CNTN6: variants seen among roughly 807,000 people sequenced by gnomAD.
CNTN6 encodes contactin-6.
A neutral mutation model predicts 122.8 loss-of-function variants in CNTN6; 137 were observed. The observed-to-expected ratio is 1.12, with a 90% CI of 0.97 to 1.29. CNTN6 has a LOEUF of 1.29. Among genes scored for constraint, CNTN6 ranks in the 50% most tolerant of loss-of-function variants. CNTN6 has a pLI of 0.00. For synonymous variants in CNTN6, 570 were observed against 426.0 expected, an observed-to-expected ratio of 1.34 and a Z score of -4.16; for missense variants, 1,634 against 1,223.4, an observed-to-expected ratio of 1.34 and a Z score of -5.01.
At chr3:1,192,911 GAAC>G (rs1338768125) in intron 2 of CNTN6, among the ~76,000 whole-genome samples, 1 of 152,044 alleles carries the variant, frequency 6.6e-6, no homozygotes, top group African/African-American at 2.4e-5. Flanking sequence ...CCACGTATTT[GAAC>G]AACTCAAAAA....
chr3:1,336,611 C>A (rs1478861247), intron 11 of CNTN6, among the ~76,000 whole-genome samples: 10 of 152,152 alleles, frequency 6.6e-5, no homozygotes, highest in Admixed American at 6.6e-4. Context: ...ATCATGGATT[C>A]TGTGTGATTT....
chr3:1,203,490 G>A (rs1025116120), intron 2 of CNTN6, among the ~76,000 whole-genome samples: 1 of 152,208 alleles, frequency 6.6e-6, no homozygotes, highest in Non-Finnish European at 1.5e-5. Flanking sequence ...CAGGAATGCG[G>A]GATAGAATTC....
intron 4 of CNTN6, among the ~76,000 whole-genome samples, chr3:1,259,916 G>A (rs1353956877): frequency 6.6e-6 from 1 of 152,024 alleles, no homozygotes; most frequent in Admixed American, 6.6e-5. Context: ...TTATTTAGAG[G>A]AATAAAGAAA....
intron 4 of CNTN6, among the ~76,000 whole-genome samples, chr3:1,271,712 G>T (rs1241848962): frequency 6.6e-6 from 1 of 152,142 alleles, no homozygotes; most frequent in Non-Finnish European, 1.5e-5. Flanking sequence ...ACAAATTCTT[G>T]GGGGAGAGAA....
At position 1,373,678 on chromosome 3, in the gene CNTN6, G is replaced by A. The variant is rs1239216914; in HGVS notation, c.1861G>A (p.Gly621Ser). Residue 621 changes from glycine to serine, a missense_variant, in exon 15 of 23, where the codon GGC becomes AGC. Coordinates refer to ENST00000446702, the MANE Select transcript of CNTN6 (RefSeq NM_001289080.2). ...STTSQLSWRA[G>S]PDNNSPIQIF... ...TACTTCTCAACTAAGTTGGAGAGCA[G>A]GCCCAGATAATAACAGTCCCATTCA... 6.2e-7 allele frequency: 1 copy of A among 1,613,074 alleles called. No homozygotes were observed. The highest frequency in any genetic ancestry group is 8.5e-7 in the Non-Finnish European group (1 of 1,179,372).
chr3:1,240,795 G>A (rs1322523325), intron 4 of CNTN6, among the ~76,000 whole-genome samples: 1 of 152,094 alleles, frequency 6.6e-6, no homozygotes, highest in Non-Finnish European at 1.5e-5. Flanking sequence ...CAACATGGCT[G>A]TTTATTTCAC....
intron 12 of CNTN6, among the ~76,000 whole-genome samples, chr3:1,360,006 C>G (rs1327329413): frequency 6.6e-6 from 1 of 152,066 alleles, no homozygotes; most frequent in Non-Finnish European, 1.5e-5. Context: ...TTGCCTAACT[C>G]CATGCCTTTC....
intron 2 of CNTN6, among the ~76,000 whole-genome samples, chr3:1,187,638 T>C (rs1334549736): frequency 2.6e-5 from 4 of 152,138 alleles, no homozygotes; most frequent in Admixed American, 2.6e-4. Context: ...GATCCAGCAT[T>C]GCCCCTACCC....
intron 2 of CNTN6, among the ~76,000 whole-genome samples, chr3:1,155,657 G>C (rs1176840556): frequency 6.6e-6 from 1 of 152,034 alleles, no homozygotes; most frequent in African/African-American, 2.4e-5. Context: ...AGTATTACTG[G>C]GTAGCAAATA....
At chr3:1,300,354 G>A (rs1025265660) in intron 7 of CNTN6, among the ~76,000 whole-genome samples, 2 of 151,772 alleles carry the variant, frequency 1.3e-5, no homozygotes, top group Non-Finnish European at 2.9e-5. Flanking sequence ...TGTCTCAGAG[G>A]GGGTATGAAT....
At chr3:1,191,171 G>T (rs557745987) in intron 2 of CNTN6, among the ~76,000 whole-genome samples, 12 of 152,100 alleles carry the variant, frequency 7.9e-5, no homozygotes, top group Non-Finnish European at 1.5e-4. Flanking sequence ...TTTGTCCCTG[G>T]TTCCTGACAC....
chr3:1,243,563 T>C (rs1247596139), intron 4 of CNTN6, among the ~76,000 whole-genome samples: 2 of 151,860 alleles, frequency 1.3e-5, no homozygotes, highest in Non-Finnish European at 2.9e-5. Flanking sequence ...TCTAGGGCTG[T>C]AAAGTGGCTC....
intron 2 of CNTN6, among the ~76,000 whole-genome samples, chr3:1,185,330 T>C (rs564629575): frequency 6.6e-6 from 1 of 152,136 alleles, no homozygotes; most frequent in South Asian, 2.1e-4. Flanking sequence ...TGAAATTGTT[T>C]ATTTAAAAAA....
At chr3:1,287,400 A>G (rs1694533551) in intron 5 of CNTN6, among the ~76,000 whole-genome samples, 2 of 152,204 alleles carry the variant, frequency 1.3e-5, no homozygotes, top group African/African-American at 4.8e-5. Context: ...TCCTTAGTTG[A>G]AAACCACTGG....
chr3:1,325,013 A>C (rs1701339449), intron 8 of CNTN6, among the ~76,000 whole-genome samples: 1 of 151,844 alleles, frequency 6.6e-6, no homozygotes, highest in Non-Finnish European at 1.5e-5. Context: ...AATAAAGGAG[A>C]GGGATTAATT....
intron 7 of CNTN6, among the ~76,000 whole-genome samples, chr3:1,303,415 C>G (rs1575619164): frequency 4.6e-5 from 7 of 152,072 alleles, no homozygotes; most frequent in Admixed American, 3.9e-4. Flanking sequence ...TTATGTTTTT[C>G]TAGCTAGGGT....
At chr3:1,261,724 A>C (rs903262109) in intron 4 of CNTN6, among the ~76,000 whole-genome samples, 1 of 152,172 alleles carries the variant, frequency 6.6e-6, no homozygotes, top group Non-Finnish European at 1.5e-5. Flanking sequence ...TGCTACAATC[A>C]TACTTTAAAA....
intron 7 of CNTN6, among the ~76,000 whole-genome samples, chr3:1,310,553 A>C (rs1699065901): frequency 6.6e-6 from 1 of 152,232 alleles, no homozygotes; most frequent in African/African-American, 2.4e-5. Flanking sequence ...TGTATTAATG[A>C]AAGATACTGG....
intron 11 of CNTN6, among the ~76,000 whole-genome samples, chr3:1,336,071 C>A (rs757822055): frequency 7.3e-5 from 11 of 151,474 alleles, no homozygotes; most frequent in African/African-American, 1.2e-4. Flanking sequence ...CAAACAACAA[C>A]AACAAAAAAA....
Sources: allele counts gnomAD v4.1 joint callset (sites outside exome capture counted in the v4.1 genomes callset), GRCh38; gene constraint gnomAD v4.1.1; transcripts MANE v1.5; gene names NCBI Gene and HGNC (gene_info 2026-07-23, HGNC 2026-07-21).